The following NRG2 variants were observed in gnomAD, a reference collection of about 807,000 sequenced individuals.
NRG2 encodes neuregulin 2, also known as pro-neuregulin-2, membrane-bound isoform.
Under a neutral mutation model 73.9 loss-of-function variants are expected in NRG2, and 27 were observed. The ratio of observed to expected loss-of-function variants is 0.37; its 90% CI spans 0.27 to 0.50. The LOEUF is 0.50. NRG2 is among the 20% of genes least tolerant of loss of function. The pLI, the probability that NRG2 is intolerant of heterozygous loss-of-function variation, is 0.96. For synonymous variants in NRG2, 532 were observed against 541.0 expected, an observed-to-expected ratio of 0.98 and a Z score of 0.23; for missense variants, 1,126 against 1,210.1, an observed-to-expected ratio of 0.93 and a Z score of 1.03.
chr5:139,861,254 A>G (rs535903150), intron 5 of NRG2, among the ~76,000 whole-genome samples: 88 of 152,296 alleles, frequency 5.8e-4, no homozygotes, highest in African/African-American at 2.0e-3. Context: ...CCCCAGGTGT[A>G]TAGTCAGCAC....
chr5:139,980,126 A>G (rs1756679104), intron 1 of NRG2, among the ~76,000 whole-genome samples: 2 of 152,110 alleles, frequency 1.3e-5, no homozygotes, highest in African/African-American at 4.8e-5. Flanking sequence ...TACTCCCAGG[A>G]CATCCGGAGG....
intron 5 of NRG2, chr5:139,864,908 C>A: frequency 1.6e-6 from 1 of 635,382 alleles, no homozygotes; most frequent in South Asian, 1.7e-5. Flanking sequence ...GTGGCCCTGG[C>A]TGCTGCAGAG....
intron 1 of NRG2, among the ~76,000 whole-genome samples, chr5:139,916,322 T>C (rs1561677808): frequency 2.0e-5 from 3 of 152,232 alleles, no homozygotes. Context: ...ACTGCTCAAC[T>C]TGGCATTTAA....
At position 139,972,643 on chromosome 5, in the gene NRG2, G is replaced by A. The variant is rs188241449; in HGVS notation, c.700+69727C>T. On this transcript the variant is annotated intron_variant, in intron 1 of 9. Transcript: ENST00000361474. ...GGAGGCTGAGGCAGGAAAATCGCTCGAACCCAGGAGGCAGAGGTCACAGTG... is the reference window on the plus strand; with the variant it reads ...GGAGGCTGAGGCAGGAAAATCGCTCAAACCCAGGAGGCAGAGGTCACAGTG... Among the ~76,000 whole-genome samples, 10 of 152,254 alleles carry A rather than the reference G, an allele frequency of 6.6e-5. No homozygotes were observed. The East Asian group carries it at 1.5e-3, about 23-fold the overall frequency.
intron 3 of NRG2, among the ~76,000 whole-genome samples, chr5:139,874,166 C>A (rs1029017596): frequency 1.3e-5 from 2 of 152,252 alleles, no homozygotes; most frequent in South Asian, 2.1e-4. Context: ...CACGCTGTAG[C>A]GCAGTTACAC....
At chr5:139,848,755 G>A in intron 9 of NRG2, 58 bp from the exon 10 acceptor site, 1 of 811,898 alleles carries the variant, frequency 1.2e-6, no homozygotes, top group Non-Finnish European at 1.7e-6. Flanking sequence ...CGGGGGAGGG[G>A]GGGTTGGGGG....
chr5:139,966,440 C>A (rs979339252), intron 1 of NRG2, among the ~76,000 whole-genome samples: 7 of 152,138 alleles, frequency 4.6e-5, no homozygotes, highest in African/African-American at 7.2e-5. Context: ...CAAATGACTA[C>A]AATTCAGTCT....
Position 139,997,994 on chromosome 5 carries a change from G to T in NRG2, c.700+44376C>A, listed in dbSNP as rs574147507. Among the ~76,000 whole-genome samples, 4 of 152,342 alleles carry T rather than the reference G, an allele frequency of 2.6e-5. No individual in the cohort carries two copies. The East Asian group carries it at 7.7e-4, about 29-fold the overall frequency. ...ACCTGGGCTCAGAGGAGTGGGGTAC[G>T]TGGGGCCTGGGTCCTCCCTTCACAG... On this transcript the variant is annotated intron_variant, in intron 1 of 9. Coordinates refer to ENST00000361474, the MANE Select transcript of NRG2 (RefSeq NM_004883.3).
chr5:139,976,424 C>A (rs1437766569), intron 1 of NRG2, among the ~76,000 whole-genome samples: 1 of 152,212 alleles, frequency 6.6e-6, no homozygotes, highest in Non-Finnish European at 1.5e-5. Context: ...ACTTGATGGG[C>A]AGCCACATGA....
In NRG2 at chr5:139,904,309, T is replaced by C; in HGVS notation, c.701-16798A>G. The C allele has an allele frequency of 6.3e-7, 1 of 1,590,068 alleles. No homozygotes were observed. Among genetic ancestry groups the C allele is most frequent in the Non-Finnish European group, 8.5e-7 (1 of 1,176,490 alleles). On this transcript the variant is annotated intron_variant, in intron 1 of 9. Transcript: ENST00000361474. This position sits in a 1 kb window ranked among gnomAD's most constrained non-coding sequence, Gnocchi z 6.0. Reference sequence around the variant, plus strand: ...CTGGGCGCGCGGAGGTGCCCTACCTTTCTCCCCGGGATCGGGCTCCCTCTC... The same window carrying C: ...CTGGGCGCGCGGAGGTGCCCTACCTCTCTCCCCGGGATCGGGCTCCCTCTC...
chr5:139,892,898 T>G (rs1479152982), intron 1 of NRG2, among the ~76,000 whole-genome samples: 1 of 152,164 alleles, frequency 6.6e-6, no homozygotes, highest in Non-Finnish European at 1.5e-5. Flanking sequence ...CCCTGTTTAT[T>G]GAATGCCTGC....
At chr5:139,888,894 G>T (rs566053315) in intron 1 of NRG2, among the ~76,000 whole-genome samples, 1 of 152,220 alleles carries the variant, frequency 6.6e-6, no homozygotes, top group Non-Finnish European at 1.5e-5. Flanking sequence ...TAAACAAAAT[G>T]GAATCAATGC....
At chr5:140,038,947 A>T (rs1452213319) in intron 1 of NRG2, among the ~76,000 whole-genome samples, 1 of 152,252 alleles carries the variant, frequency 6.6e-6, no homozygotes, top group Non-Finnish European at 1.5e-5. Context: ...TTAAATAAAC[A>T]GCATTTAAAA....
chr5:139,949,039 C>A (rs1172417585), intron 1 of NRG2, among the ~76,000 whole-genome samples: 1 of 152,062 alleles, frequency 6.6e-6, no homozygotes, highest in Non-Finnish European at 1.5e-5. Context: ...AATTCCCTAC[C>A]AATAGGCTTC....
In NRG2 at chr5:139,847,084, A is replaced by T. The variant is rs1761044795; in HGVS notation, c.*833T>A. The T allele has an allele frequency of 6.6e-6, 1 of 152,252 alleles. No individual in the cohort carries two copies. Among genetic ancestry groups the T allele is most frequent in the African/African-American group, 2.4e-5 (1 of 41,416 alleles). 9.4% of individuals were successfully genotyped at this position (152,252 alleles called of 1,614,324 possible). On this transcript the variant is annotated 3_prime_UTR_variant, in exon 10 of 10. Coordinates refer to ENST00000361474, the MANE Select transcript of NRG2 (RefSeq NM_004883.3). Reference sequence around the variant, plus strand: ...AGTGGCTCTTCTCGGTCCCAGCGTGACCATGCATCCAATCTAAAGAATCTG... The same window carrying T: ...AGTGGCTCTTCTCGGTCCCAGCGTGTCCATGCATCCAATCTAAAGAATCTG...
intron 9 of NRG2, among the ~76,000 whole-genome samples, chr5:139,849,963 C>T (rs1161154204): frequency 6.6e-6 from 1 of 152,248 alleles, no homozygotes; most frequent in African/African-American, 2.4e-5. Context: ...CTCAGCTTGC[C>T]TGTTCAGGCC....
At chr5:139,892,371 ATGT>A (rs1223019065) in intron 1 of NRG2, among the ~76,000 whole-genome samples, 1 of 152,142 alleles carries the variant, frequency 6.6e-6, no homozygotes, top group Non-Finnish European at 1.5e-5. Context: ...TACTTTCTGC[ATGT>A]TAAGCTCATT....
rs771670896 is a variant in NRG2, at chr5:139,904,446, C to G, written c.701-16935G>C. ...GGACGGCCTCAGCTCTCCGCTGCCG[C>G]GCTGCGCCCCCGCCGCCTGCAGCCT... On this transcript the variant is annotated intron_variant, in intron 1 of 9. Coordinates refer to ENST00000361474, the MANE Select transcript of NRG2 (RefSeq NM_004883.3). This position sits in a 1 kb window ranked among gnomAD's most constrained non-coding sequence, Gnocchi z 6.0. 2 of 1,161,578 alleles carry G rather than the reference C, an allele frequency of 1.7e-6. No individual in the cohort carries two copies. The highest frequency in any genetic ancestry group is 2.5e-6 in the Non-Finnish European group (2 of 815,334). The allele number at this position is 1,161,578 out of a possible 1,614,324, so 72.0% of individuals were successfully genotyped here. A position where few individuals can be genotyped will look rare whatever the true frequency, so the allele number is the denominator to read the frequency against.
At chr5:139,949,331 G>A (rs1260766947) in intron 1 of NRG2, among the ~76,000 whole-genome samples, 1 of 152,180 alleles carries the variant, frequency 6.6e-6, no homozygotes, top group Non-Finnish European at 1.5e-5. Context: ...AGGATTCAGA[G>A]ATGATCTCCC....
Sources: gnomAD v4.1 joint callset for allele counts (sites outside exome capture counted in the v4.1 genomes callset) on GRCh38, gnomAD v4.1.1 for gene constraint, Gnocchi (gnomAD v3.1) non-coding constraint, MANE v1.5 for transcripts, NCBI Gene and HGNC (gene_info 2026-07-23, HGNC 2026-07-21) for gene names.